Variants in CEP164 observed in about 807,000 individuals in gnomAD.
CEP164 encodes the protein centrosomal protein of 164 kDa.
CEP164 carries 162 observed loss-of-function variants against 182.7 expected under a neutral mutation model. That is an observed-to-expected ratio of 0.89 (90% CI 0.78 to 1.01). The LOEUF is 1.01. CEP164 is among the 50% of genes least tolerant of loss of function. The pLI, the probability that CEP164 is intolerant of heterozygous loss-of-function variation, is 0.00. For synonymous variants in CEP164, 661 were observed against 690.0 expected (o/e 0.96, Z 0.66); for missense variants, 1,735 against 1,790.4 (o/e 0.97, Z 0.56).
chr11:117,383,842 G>GC (rs2043631153), intron 14 of CEP164, among the ~76,000 whole-genome samples: 1 of 152,186 alleles, frequency 6.6e-6, no homozygotes, highest in Non-Finnish European at 1.5e-5. Context: ...TTTGAGACCA[G>GC]CTGGCCAACA....
intron 2 of CEP164, among the ~76,000 whole-genome samples, chr11:117,337,317 C>T (rs908297246): frequency 3.3e-5 from 5 of 151,996 alleles, no homozygotes; most frequent in Non-Finnish European, 7.4e-5. Context: ...TTCTTCCTCT[C>T]CTTTTAATCC....
chr11:117,379,415 C>G (rs2043080037), intron 11 of CEP164, among the ~76,000 whole-genome samples: 1 of 152,172 alleles, frequency 6.6e-6, no homozygotes, highest in Non-Finnish European at 1.5e-5. Context: ...GTCTCCCGCC[C>G]CACCTCTCCT....
Position 117,409,555 on chromosome 11 carries a change from T to TC in CEP164, c.3749-62dup. ...AGTAGGGTCCTCCATGACAGCTGTG[T>TC]CTGGGAATGGTCCAGGGTCCTGAGC... On this transcript the variant is annotated intron_variant, in intron 29 of 32. Coordinates refer to ENST00000278935, the MANE Select transcript of CEP164 (RefSeq NM_014956.5). This position sits in a 1 kb window ranked among gnomAD's most constrained non-coding sequence, Gnocchi z 4.4. 1 of 1,453,384 alleles carries TC rather than the reference T, an allele frequency of 6.9e-7. No individual in the cohort carries two copies. Among genetic ancestry groups the TC allele is most frequent in the Non-Finnish European group, 9.4e-7 (1 of 1,062,862 alleles). 90.0% of individuals were successfully genotyped at this position (1,453,384 alleles called of 1,614,324 possible).
intron 10 of CEP164, among the ~76,000 whole-genome samples, chr11:117,375,101 C>T (rs1402641816): frequency 3.9e-5 from 6 of 152,190 alleles, no homozygotes; most frequent in East Asian, 1.9e-4. Flanking sequence ...GGGGATGGAA[C>T]GAGCTGGAAA....
chr11:117,394,851 A>G lies in CEP164; in HGVS notation c.2761-69A>G. On this transcript the variant is annotated intron_variant, in intron 21 of 32. Transcript: ENST00000278935. The surrounding 1 kb of genome is among the most constrained non-coding windows in gnomAD (Gnocchi z 4.0). ...TGTGGTGTGGCATGGTGGGTTCTGG[A>G]ACCCCCTCCTGCCCCTCAGCTAATG... 4.0e-6 allele frequency: 6 copies of G among 1,486,720 alleles called. No individual in the cohort carries two copies. The highest frequency in any genetic ancestry group is 5.6e-6 in the Non-Finnish European group (6 of 1,069,924). The allele number at this position is 1,486,720 out of a possible 1,614,324, so 92.1% of individuals were successfully genotyped here.
In CEP164 at chr11:117,411,666, A is replaced by G. The variant is rs933997488; in HGVS notation, c.4164-129A>G. ...GTTTTGAAGCTTTGAATTGCTAGGG[A>G]CCTCGGAGAAGCTGCTCTGGTAGCT... On this transcript the variant is annotated intron_variant, in intron 31 of 32. Coordinates refer to ENST00000278935, the MANE Select transcript of CEP164 (RefSeq NM_014956.5). The surrounding 1 kb of genome is among the most constrained non-coding windows in gnomAD (Gnocchi z 4.4). 7.7e-7 allele frequency: 1 copy of G among 1,294,724 alleles called. No homozygotes were observed. Among genetic ancestry groups the G allele is most frequent in the Non-Finnish European group, 1.1e-6 (1 of 932,972 alleles). The allele number at this position is 1,294,724 out of a possible 1,614,324, so 80.2% of individuals were successfully genotyped here.
At position 117,409,581 on chromosome 11, in the gene CEP164, T is replaced by C. The variant is rs1321767690; in HGVS notation, c.3749-37T>C. On this transcript the variant is annotated intron_variant, in intron 29 of 32. Transcript: ENST00000278935. This position sits in a 1 kb window ranked among gnomAD's most constrained non-coding sequence, Gnocchi z 4.4. ...CTGGGAATGGTCCAGGGTCCTGAGC[T>C]TGAGTCCCTTCCCACCATCCACCTC... 1 of 1,561,756 alleles carries C rather than the reference T, an allele frequency of 6.4e-7. No individual in the cohort carries two copies. The highest frequency in any genetic ancestry group is 1.3e-5 in the African/African-American group (1 of 74,192).
chr11:117,379,922 AT>A (rs2043140958), intron 11 of CEP164, among the ~76,000 whole-genome samples: 1 of 122,896 alleles, frequency 8.1e-6, no homozygotes, highest in South Asian at 2.6e-4. Context: ...TTAAAATGAG[AT>A]TTTTGTTCTG....
At chr11:117,379,403 C>T (rs1350020371) in intron 11 of CEP164, among the ~76,000 whole-genome samples, 3 of 152,206 alleles carry the variant, frequency 2.0e-5, no homozygotes, top group Non-Finnish European at 4.4e-5. Context: ...ATGGAGTGAG[C>T]TGTCTCCCGC....
intron 12 of CEP164, 129 bp from the exon 13 acceptor site, chr11:117,381,572 T>G: frequency 9.1e-7 from 1 of 1,101,190 alleles, no homozygotes; most frequent in Non-Finnish European, 1.3e-6. Flanking sequence ...CATGGATGGA[T>G]GTGGGGGTGG....
chr11:117,356,077 C>T, intron 5 of CEP164: 2 of 1,090,654 alleles, frequency 1.8e-6, no homozygotes, highest in Non-Finnish European at 2.3e-6. Context: ...TGAACAACTT[C>T]CCTTGGAACC....
At chr11:117,332,303 G>A (rs1392827981) in intron 1 of CEP164, among the ~76,000 whole-genome samples, 3 of 152,058 alleles carry the variant, frequency 2.0e-5, no homozygotes, top group Non-Finnish European at 2.9e-5. Context: ...GGCCAGGCAC[G>A]GTGGCTCACG....
rs372884447 is a variant in CEP164 at position 117,380,170 on chromosome 11, G to A, written c.1318-444G>A. On this transcript the variant is annotated intron_variant, in intron 11 of 32. Coordinates refer to ENST00000278935, the MANE Select transcript of CEP164 (RefSeq NM_014956.5). ...TCTCATGTGCTTGCCTGTGGCCCCCGATTCTGCCCTCGTAATTTCAGCACG... is the reference window on the plus strand; with the variant it reads ...TCTCATGTGCTTGCCTGTGGCCCCCAATTCTGCCCTCGTAATTTCAGCACG... Among the ~76,000 whole-genome samples the A allele has an allele frequency of 2.1e-3, 320 of 152,174 alleles. 17 individuals carry two copies. The South Asian group carries it at 0.064, about 31-fold the overall frequency.
At chr11:117,395,787 CT>C (rs2045355968) in intron 24 of CEP164, 65 bp downstream of exon 24, 1 of 1,529,308 alleles carries the variant, frequency 6.5e-7, no homozygotes, top group Non-Finnish European at 8.8e-7. Flanking sequence ...ACCTCTGCTG[CT>C]TGTGTCATGG....
In CEP164 at chr11:117,383,027, G is replaced by A. The variant is rs544805265; in HGVS notation, c.1724+85G>A. 2.0e-5 allele frequency: 30 copies of A among 1,471,564 alleles called. No homozygotes were observed. The East Asian group carries it at 4.0e-4, about 20-fold the overall frequency. The allele number at this position is 1,471,564 out of a possible 1,614,324, so 91.2% of individuals were successfully genotyped here. A position where few individuals can be genotyped will look rare whatever the true frequency, so the allele number is the denominator to read the frequency against. On this transcript the variant is annotated intron_variant, in intron 14 of 32. Coordinates refer to ENST00000278935, the MANE Select transcript of CEP164 (RefSeq NM_014956.5). ...CCTATTCACTCTTGGGTGGTGGGAG[G>A]TGGGGCTCAGGCTCTGGCCAAGGGT...
Position 117,411,895 on chromosome 11 carries a change from C to T in CEP164, c.4264C>T (p.Arg1422Cys), listed in dbSNP as rs202111102. Reference protein sequence around the residue: ...IIEANRRWLERVKNDPRLPLF... With the variant: ...IIEANRRWLECVKNDPRLPLF... ...TGAGGCCAACCGGAGGTGGCTGGAA[C>T]GTGTCAAGAATGACCCCAGGTTGTA... Residue 1422 changes from arginine to cysteine, a missense_variant, in exon 32 of 33, where the codon CGT (arginine) becomes TGT (cysteine). By Grantham distance (180) the Arg-to-Cys change is radical (BLOSUM62 -3). Coordinates refer to ENST00000278935, the MANE Select transcript of CEP164 (RefSeq NM_014956.5). This position sits in a 1 kb window ranked among gnomAD's most constrained non-coding sequence, Gnocchi z 4.4. 41 of 1,614,134 alleles carry T rather than the reference C, an allele frequency of 2.5e-5. No individual in the cohort carries two copies. Among genetic ancestry groups the T allele is most frequent in the African/African-American group, 8.0e-5 (6 of 75,054 alleles).
intron 20 of CEP164, among the ~76,000 whole-genome samples, chr11:117,393,771 T>C (rs1010153249): frequency 6.6e-6 from 1 of 152,118 alleles, no homozygotes. Flanking sequence ...ATTTTAAGCC[T>C]TTGGTCTTAA....
chr11:117,409,763 A>C lies in CEP164; in HGVS notation c.3894A>C (p.Pro1298=). The change falls in exon 30 of 33, where the codon CCA becomes CCC. Residue 1298 remains proline (P), a synonymous_variant. Transcript: ENST00000278935. This position sits in a 1 kb window ranked among gnomAD's most constrained non-coding sequence, Gnocchi z 4.4. ...CGCCGCCGCTCCTCGCCTCCATGCCAGCCCAGCTCCCTCCCCGGGACCCTA... is the reference window on the plus strand; with the variant it reads ...CGCCGCCGCTCCTCGCCTCCATGCCCGCCCAGCTCCCTCCCCGGGACCCTA... ...QSPPPLLASM[P]AQLPPRDPKS... is the part of the protein sequence containing the mutation. 1 of 1,613,814 alleles carries C rather than the reference A, an allele frequency of 6.2e-7. No homozygotes were observed. The highest frequency in any genetic ancestry group is 8.5e-7 in the Non-Finnish European group (1 of 1,179,878).
chr11:117,375,824 G>A (rs755246982), intron 11 of CEP164, 33 bp downstream of exon 11: 1 of 1,601,958 alleles, frequency 6.2e-7, no homozygotes, highest in Non-Finnish European at 8.6e-7. Flanking sequence ...CTGAGCTGGG[G>A]CCTCATTTTC....
Sources: gnomAD v4.1 joint callset for allele counts (sites outside exome capture counted in the v4.1 genomes callset) on GRCh38, gnomAD v4.1.1 for gene constraint, Gnocchi (gnomAD v3.1) non-coding constraint, MANE v1.5 for transcripts, NCBI Gene and HGNC (gene_info 2026-07-23, HGNC 2026-07-21) for gene names.